The following HSD17B12 variants were observed in gnomAD, a reference collection of about 807,000 sequenced individuals.
The protein encoded by HSD17B12 is hydroxysteroid 17-beta dehydrogenase 12.
In HSD17B12, 32 loss-of-function variants were observed where a neutral mutation model predicts 39.3. That is an observed-to-expected ratio of 0.81 (90% CI 0.61 to 1.09). HSD17B12 has a LOEUF of 1.09. Ranked by LOEUF, HSD17B12 falls within the 50% of genes least tolerant of loss-of-function variation. The pLI, the probability that HSD17B12 is intolerant of heterozygous loss-of-function variation, is 0.00. For missense variants in HSD17B12, 342 were observed against 382.9 expected (o/e 0.89, Z 0.89); for synonymous variants, 150 against 146.7 (o/e 1.02, Z -0.16).
At chr11:43,654,701 GT>G in the HSD17B12 span, among the ~76,000 whole-genome samples, 2 of 152,148 alleles carry the variant, frequency 1.3e-5, no homozygotes, top group Non-Finnish European at 2.9e-5. Context: ...AGATCAGATG[GT>G]TGTAGATGTG....
At chr11:43,642,465 A>G in the HSD17B12 span, among the ~76,000 whole-genome samples, 1 of 151,782 alleles carries the variant, frequency 6.6e-6, no homozygotes, top group Non-Finnish European at 1.5e-5. Context: ...AAAATGACTA[A>G]TCTCCTAATG....
At chr11:43,757,648 A>ACAAAACAAAACAAAAC (rs1565077076) in intron 3 of HSD17B12, among the ~76,000 whole-genome samples, 3 of 140,074 alleles carry the variant, frequency 2.1e-5, no homozygotes, top group African/African-American at 8.2e-5. Context: ...TCAAAAAAAA[A>ACAAAACAAAACAAAAC]AAAAAAAAAA....
At chr11:43,590,953 A>G in the HSD17B12 span, among the ~76,000 whole-genome samples, 1 of 151,974 alleles carries the variant, frequency 6.6e-6, no homozygotes, top group Non-Finnish European at 1.5e-5. Context: ...TTTTCAGCTA[A>G]TTAAGGGTCA....
chr11:43,588,677 A>G, the HSD17B12 span, among the ~76,000 whole-genome samples: 1 of 150,196 alleles, frequency 6.7e-6, no homozygotes, highest in African/African-American at 2.4e-5. Flanking sequence ...GCAATGTCAT[A>G]CAAGGCTTAA....
chr11:43,828,235 C>T (rs1393837477), intron 6 of HSD17B12, among the ~76,000 whole-genome samples: 4 of 149,854 alleles, frequency 2.7e-5, no homozygotes, highest in African/African-American at 4.9e-5. Context: ...CTCTGCCTCC[C>T]GGGTTCACGC....
upstream of HSD17B12, among the ~76,000 whole-genome samples, chr11:43,679,157 T>G (rs182248641): frequency 1.7e-4 from 26 of 152,324 alleles, no homozygotes; most frequent in East Asian, 3.7e-3. Context: ...TCACATCCCT[T>G]GTAAGTTGGA....
chr11:43,576,978 A>C, the HSD17B12 span, among the ~76,000 whole-genome samples: 21 of 152,220 alleles, frequency 1.4e-4, no homozygotes, highest in African/African-American at 5.1e-4. Flanking sequence ...ACACGATTTA[A>C]TGGGCCATAT....
At chr11:43,848,583 C>A (rs536114440) in intron 9 of HSD17B12, 45 of 152,310 alleles carry the variant, frequency 3.0e-4, no homozygotes, top group African/African-American at 1.1e-3. Flanking sequence ...TCAAATCCCA[C>A]ACTCTTTAAC....
At chr11:43,811,784 AC>A (rs1951075606) in intron 4 of HSD17B12, among the ~76,000 whole-genome samples, 1 of 152,016 alleles carries the variant, frequency 6.6e-6, no homozygotes, top group African/African-American at 2.4e-5. Context: ...AACTATAGTC[AC>A]CCTACTCTGC....
In HSD17B12 at chr11:43,795,091, C is replaced by T. The variant is rs139801581; in HGVS notation, c.284-3229C>T. On this transcript the variant is annotated intron_variant, in intron 3 of 10. Coordinates refer to ENST00000278353, the MANE Select transcript of HSD17B12 (RefSeq NM_016142.3). ...CTGTGTTATGTATATCTGGTATCTA[C>T]TTCTGTTCCAGGTGCTTAATTCACC... is the stretch of plus-strand genomic sequence containing the variant. 2.7e-3 allele frequency among the ~76,000 whole-genome samples: 412 copies of T among 152,232 alleles called. 2 individuals are homozygous for T. Among genetic ancestry groups the T allele is most frequent in the African/African-American group, 9.5e-3 (395 of 41,542 alleles).
the HSD17B12 span, among the ~76,000 whole-genome samples, chr11:43,658,216 G>A: frequency 6.6e-6 from 1 of 152,136 alleles, no homozygotes; most frequent in African/African-American, 2.4e-5. Flanking sequence ...CGTTCGTCAT[G>A]TAGTTCTCGT....
At chr11:43,697,636 C>T (rs185367107) in intron 1 of HSD17B12, among the ~76,000 whole-genome samples, 17 of 152,246 alleles carry the variant, frequency 1.1e-4, no homozygotes, top group South Asian at 4.1e-4. Context: ...CTATGCTAAA[C>T]GGCATTGATA....
At chr11:43,656,379 GT>G in the HSD17B12 span, among the ~76,000 whole-genome samples, 19 of 152,168 alleles carry the variant, frequency 1.2e-4, no homozygotes, top group Non-Finnish European at 2.6e-4. Flanking sequence ...TTTTTGAAGG[GT>G]TTTTTGTGTC....
chr11:43,727,737 A>AG, intron 1 of HSD17B12, among the ~76,000 whole-genome samples: 1 of 152,270 alleles, frequency 6.6e-6, no homozygotes, highest in Non-Finnish European at 1.5e-5. Flanking sequence ...TAGGAAAAAA[A>AG]CACAACAATT....
the HSD17B12 span, among the ~76,000 whole-genome samples, chr11:43,630,291 A>C: frequency 6.6e-6 from 1 of 152,212 alleles, no homozygotes; most frequent in Non-Finnish European, 1.5e-5. Flanking sequence ...CAATTAAAAA[A>C]AGTGAAAATT....
chr11:43,757,905 G>A (rs1042527894), intron 3 of HSD17B12, among the ~76,000 whole-genome samples: 1 of 152,046 alleles, frequency 6.6e-6, no homozygotes, highest in Non-Finnish European at 1.5e-5. Flanking sequence ...AACAAAACTG[G>A]AGCCTTACTG....
At chr11:43,723,646 A>T (rs940857586) in intron 1 of HSD17B12, among the ~76,000 whole-genome samples, 2 of 152,264 alleles carry the variant, frequency 1.3e-5, no homozygotes. Flanking sequence ...TAACTGATTT[A>T]TAACCATGTA....
At chr11:43,624,540 G>T in the HSD17B12 span, among the ~76,000 whole-genome samples, 2 of 151,680 alleles carry the variant, frequency 1.3e-5, no homozygotes, top group Admixed American at 1.3e-4. Flanking sequence ...TTTAAATAAA[G>T]AAAGAAATTG....
the HSD17B12 span, among the ~76,000 whole-genome samples, chr11:43,667,928 G>T: frequency 6.6e-6 from 1 of 152,148 alleles, no homozygotes; most frequent in Non-Finnish European, 1.5e-5. Flanking sequence ...TTAAAGTATG[G>T]TTGGGACCAG....
Sources: allele counts gnomAD v4.1 joint callset (sites outside exome capture counted in the v4.1 genomes callset), GRCh38; gene constraint gnomAD v4.1.1; transcripts MANE v1.5; gene names NCBI Gene and HGNC (gene_info 2026-07-23, HGNC 2026-07-21).